Variants in VIPR2 observed in about 807,000 individuals in gnomAD.
The protein encoded by VIPR2 is vasoactive intestinal polypeptide receptor 2.
Under a neutral mutation model 58.0 loss-of-function variants are expected in VIPR2, and 48 were observed. The observed-to-expected ratio is 0.83, with a 90% CI of 0.66 to 1.05. The LOEUF is 1.05. Ranked by LOEUF, VIPR2 falls within the 50% of genes least tolerant of loss-of-function variation. The pLI, the probability that VIPR2 is intolerant of heterozygous loss-of-function variation, is 0.00. For synonymous variants in VIPR2, 243 were observed against 235.2 expected, an observed-to-expected ratio of 1.03 and a Z score of -0.30; for missense variants, 534 against 558.0, an observed-to-expected ratio of 0.96 and a Z score of 0.43.
In VIPR2 at chr7:159,064,724, C is replaced by T. The variant is rs141350254; in HGVS notation, c.358-6146G>A. On this transcript the variant is annotated intron_variant, in intron 4 of 12. Coordinates refer to ENST00000262178, the MANE Select transcript of VIPR2 (RefSeq NM_003382.5). ...GTCCAGTCCTGAGGCGCATCCAGGG[C>T]CGTCTGCTGGCCCGGCCTTCGCCCC... Among the ~76,000 whole-genome samples the T allele has an allele frequency of 3.8e-3, 576 of 152,292 alleles. 2 individuals carry two copies. The highest frequency in any genetic ancestry group is 0.013 in the African/African-American group (537 of 41,560).
chr7:159,042,199 G>A (rs1015486893), intron 6 of VIPR2, among the ~76,000 whole-genome samples: 2 of 152,174 alleles, frequency 1.3e-5, no homozygotes, highest in Non-Finnish European at 2.9e-5. Context: ...GGACCTATCT[G>A]CGTGGAATGC....
At position 159,031,037 on chromosome 7, in the gene VIPR2, A is replaced by C. The variant is rs1218426915; in HGVS notation, c.1144-248T>G. ...GTGCGTGGGTGGTTCGGGGATCGCC[A>C]CTGCCGCGGTAAGCGCAGTCCCACA... On this transcript the variant is annotated intron_variant, in intron 12 of 12. Coordinates refer to ENST00000262178, the MANE Select transcript of VIPR2 (RefSeq NM_003382.5). The surrounding 1 kb of genome is among the most constrained non-coding windows in gnomAD (Gnocchi z 4.0). 6.6e-6 allele frequency among the ~76,000 whole-genome samples: 1 copy of C among 152,252 alleles called. No homozygotes were observed. The highest frequency in any genetic ancestry group is 2.4e-5 in the African/African-American group (1 of 41,468).
At chr7:159,085,026 T>C (rs571598858) in intron 4 of VIPR2, among the ~76,000 whole-genome samples, 3 of 152,300 alleles carry the variant, frequency 2.0e-5, no homozygotes, top group Admixed American at 6.5e-5. Context: ...GTAAAAGCAT[T>C]AGCAAGTTGA....
chr7:159,122,784 A>C (rs536142744), intron 2 of VIPR2, among the ~76,000 whole-genome samples: 10 of 152,338 alleles, frequency 6.6e-5, no homozygotes, highest in Admixed American at 2.0e-4. Flanking sequence ...GCCTATTATC[A>C]ATTTAAAGGA....
At chr7:159,084,399 C>A (rs1319596128) in intron 4 of VIPR2, among the ~76,000 whole-genome samples, 1 of 152,192 alleles carries the variant, frequency 6.6e-6, no homozygotes, top group Non-Finnish European at 1.5e-5. Flanking sequence ...ACAGGAACAG[C>A]GTGAGGCAGG....
chr7:159,115,247 G>A (rs1393870727), intron 2 of VIPR2, among the ~76,000 whole-genome samples: 2 of 152,170 alleles, frequency 1.3e-5, no homozygotes, highest in Admixed American at 1.3e-4. Context: ...TAGGGTCAGA[G>A]TTAGACAAAT....
At chr7:159,050,354 C>CAAAAAAAAAAACAAAAAAA (rs1854917943) in intron 5 of VIPR2, among the ~76,000 whole-genome samples, 1 of 139,172 alleles carries the variant, frequency 7.2e-6, no homozygotes, top group African/African-American at 2.7e-5. Flanking sequence ...CACAAAAAAA[C>CAAAAAAAAAAACAAAAAAA]AAAAAAAAAA....
At position 159,144,796 on chromosome 7, in the gene VIPR2, G is replaced by T. The variant is rs1258312139; in HGVS notation, c.-25C>A. 3 of 1,242,776 alleles carry T rather than the reference G, an allele frequency of 2.4e-6. No homozygotes were observed. In the South Asian group the frequency reaches 1.1e-4, roughly 46 times the overall value. The allele number at this position is 1,242,776 out of a possible 1,614,324, so 77.0% of individuals were successfully genotyped here. A position where few individuals can be genotyped will look rare whatever the true frequency, so the allele number is the denominator to read the frequency against. On this transcript the variant is annotated 5_prime_UTR_variant, in exon 1 of 13. Transcript: ENST00000262178. ...TCCCGAGCTCAGCGTGCCGGGGGCC[G>T]CCCAGCGCCCGCCGCCTCCGTCCTA... is the stretch of plus-strand genomic sequence containing the variant.
At chr7:159,032,298 C>T (rs544398116) in intron 10 of VIPR2, among the ~76,000 whole-genome samples, 12 of 152,334 alleles carry the variant, frequency 7.9e-5, no homozygotes, top group Non-Finnish European at 1.2e-4. Context: ...CGGAAGTGTC[C>T]GTTTCTCCCA....
chr7:159,116,128 T>C (rs1468199453), intron 2 of VIPR2, among the ~76,000 whole-genome samples: 1 of 152,064 alleles, frequency 6.6e-6, no homozygotes, highest in Non-Finnish European at 1.5e-5. Context: ...CTGGAGCAGT[T>C]GGTGGGAGCC....
At position 159,098,513 on chromosome 7, in the gene VIPR2, CA is replaced by C. The variant is rs1857999997; in HGVS notation, c.357+5243del. Among the ~76,000 whole-genome samples, 1 of 152,162 alleles carries C rather than the reference CA, an allele frequency of 6.6e-6. No homozygotes were observed. The highest frequency in any genetic ancestry group is 6.5e-5 in the Admixed American group (1 of 15,290). ...TGATCCCTGGCTGGCTTATCTGCTT[CA>C]GGATCTGACTGCAGCAGGTGAGACC... On this transcript the variant is annotated intron_variant, in intron 4 of 12. Transcript: ENST00000262178. The surrounding 1 kb of genome is among the most constrained non-coding windows in gnomAD (Gnocchi z 5.2).
chr7:159,134,231 A>G (rs1049855632), intron 2 of VIPR2, among the ~76,000 whole-genome samples: 2 of 152,240 alleles, frequency 1.3e-5, no homozygotes, highest in African/African-American at 4.8e-5. Flanking sequence ...ATGCCATTTA[A>G]TAACTATGAT....
intron 5 of VIPR2, among the ~76,000 whole-genome samples, chr7:159,053,045 A>G (rs1359422491): frequency 1.3e-5 from 2 of 152,190 alleles, no homozygotes; most frequent in Middle Eastern, 3.2e-3. Flanking sequence ...AGAAAAATCC[A>G]AGTGAATTTA....
At position 159,031,259 on chromosome 7, in the gene VIPR2, G is replaced by A. The variant is rs1030985900; in HGVS notation, c.1144-470C>T. On this transcript the variant is annotated intron_variant, in intron 12 of 12. Coordinates refer to ENST00000262178, the MANE Select transcript of VIPR2 (RefSeq NM_003382.5). The surrounding 1 kb of genome is among the most constrained non-coding windows in gnomAD (Gnocchi z 4.0). The stretch of plus-strand genomic sequence containing the variant: ...GGCACTACTCGGGCTCAGCTTTGCA[G>A]AAGCCGTGCTGGTGAAAGCTGCATG... Among the ~76,000 whole-genome samples, 2 of 151,602 alleles carry A rather than the reference G, an allele frequency of 1.3e-5. No individual in the cohort carries two copies.
chr7:159,071,476 T>C (rs1053648994), intron 4 of VIPR2, among the ~76,000 whole-genome samples: 1 of 152,230 alleles, frequency 6.6e-6, no homozygotes, highest in Non-Finnish European at 1.5e-5. Context: ...TCCATGGGCA[T>C]CGCGTTCTGT....
chr7:159,053,456 G>T (rs894393036), intron 5 of VIPR2, among the ~76,000 whole-genome samples: 6 of 152,190 alleles, frequency 3.9e-5, no homozygotes, highest in African/African-American at 1.4e-4. Context: ...CAGGTTGGAT[G>T]ATTCATAATT....
chr7:159,036,143 G>T, intron 7 of VIPR2, 131 bp from the exon 8 acceptor site: 1 of 1,124,676 alleles, frequency 8.9e-7, no homozygotes, highest in Non-Finnish European at 1.2e-6. Flanking sequence ...CTTGTTTAAA[G>T]TCTTTGTAAA....
chr7:159,103,856 T>C lies in VIPR2; in HGVS notation c.260-2A>G, dbSNP rs540346899. ...TCGTACAGTTTTTGCTTATGTTTCC[T>C]GGAAAGTGAAGTTCAGATATTTTAT... On this transcript the variant is annotated splice_acceptor_variant, in intron 3 of 12. Transcript: ENST00000262178. LOFTEE classifies it high-confidence loss of function. 4 of 1,613,382 alleles carry C rather than the reference T, an allele frequency of 2.5e-6. No homozygotes were observed. The African/African-American group carries it at 5.3e-5, about 22-fold the overall frequency.
chr7:159,033,215 T>C (rs987739176), intron 10 of VIPR2, among the ~76,000 whole-genome samples: 3 of 152,180 alleles, frequency 2.0e-5, no homozygotes, highest in African/African-American at 7.2e-5. Flanking sequence ...CACTGGCCGG[T>C]ATCTGCACCC....
Sources: allele counts gnomAD v4.1 joint callset (sites outside exome capture counted in the v4.1 genomes callset), GRCh38; gene constraint gnomAD v4.1.1; non-coding constraint Gnocchi (gnomAD v3.1); transcripts MANE v1.5; gene names NCBI Gene and HGNC (gene_info 2026-07-23, HGNC 2026-07-21).